EVA1C: variants seen among roughly 807,000 people sequenced by gnomAD.
EVA1C encodes the protein protein eva-1 homolog C.
A neutral mutation model predicts 45.4 loss-of-function variants in EVA1C; 25 were observed. The observed-to-expected ratio is 0.55, with a 90% CI of 0.40 to 0.77. The LOEUF (loss-of-function observed/expected upper bound fraction) is 0.77, where lower values mean the gene tolerates loss of function less well. EVA1C is among the 30% of genes least tolerant of loss of function. EVA1C has a pLI of 0.00. For missense variants in EVA1C, 479 were observed against 554.8 expected (o/e 0.86, Z 1.37); for synonymous variants, 190 against 221.2 (o/e 0.86, Z 1.25).
chr21:32,502,977 G>T (rs1256601979), intron 6 of EVA1C, among the ~76,000 whole-genome samples: 1 of 152,094 alleles, frequency 6.6e-6, no homozygotes, highest in East Asian at 1.9e-4. Flanking sequence ...TAAACAGCCT[G>T]GTCCCCCTGC....
intron 2 of EVA1C, among the ~76,000 whole-genome samples, chr21:32,457,284 C>T (rs935675321): frequency 2.6e-5 from 4 of 152,224 alleles, no homozygotes; most frequent in Non-Finnish European, 5.9e-5. Flanking sequence ...CCTCTGACCT[C>T]GCTTGCACCC....
intron 3 of EVA1C, among the ~76,000 whole-genome samples, chr21:32,459,333 G>A (rs746775048): frequency 6.8e-4 from 104 of 152,070 alleles, no homozygotes; most frequent in Non-Finnish European, 1.2e-3. Context: ...CCCTCCCTCC[G>A]CCCCTAGGCA....
rs116991795 is a variant in EVA1C, at chr21:32,464,265, G to A, written c.482-3431G>A. Among the ~76,000 whole-genome samples, 967 of 152,244 alleles carry A rather than the reference G, an allele frequency of 6.4e-3. 18 individuals are homozygous for A. The highest frequency in any genetic ancestry group is 0.036 in the Admixed American group (548 of 15,296). ...GTCACCATTTTCATTTTTCTTCCTCGTGGAGGTTCTTCCTGCGTGTTAAAC... is the reference window on the plus strand; with the variant it reads ...GTCACCATTTTCATTTTTCTTCCTCATGGAGGTTCTTCCTGCGTGTTAAAC... On this transcript the variant is annotated intron_variant, in intron 3 of 7. Transcript: ENST00000300255.
intron 7 of EVA1C, among the ~76,000 whole-genome samples, chr21:32,512,587 C>T (rs2037992549): frequency 6.6e-6 from 1 of 152,018 alleles, no homozygotes; most frequent in African/African-American, 2.4e-5. Flanking sequence ...GAGGGGGCCA[C>T]GGATGACCAT....
intron 1 of EVA1C, among the ~76,000 whole-genome samples, chr21:32,439,586 T>C (rs2035097941): frequency 6.6e-6 from 1 of 152,042 alleles, no homozygotes; most frequent in Admixed American, 6.6e-5. Flanking sequence ...CTATCTGAAA[T>C]CCTCCACCGA....
chr21:32,415,264 G>A (rs2033989501), intron 1 of EVA1C, among the ~76,000 whole-genome samples: 1 of 152,152 alleles, frequency 6.6e-6, no homozygotes, highest in African/African-American at 2.4e-5. Context: ...AATAACCAGG[G>A]CTAGAGAGCA....
chr21:32,441,670 GA>G (rs1247101739), intron 1 of EVA1C, among the ~76,000 whole-genome samples: 1 of 152,118 alleles, frequency 6.6e-6, no homozygotes, highest in Non-Finnish European at 1.5e-5. Context: ...TACACAAGTG[GA>G]CAACTACATA....
chr21:32,499,547 G>T (rs998036245), intron 5 of EVA1C, among the ~76,000 whole-genome samples: 2 of 152,218 alleles, frequency 1.3e-5, no homozygotes, highest in Admixed American at 6.5e-5. Context: ...TCCGGTGGTT[G>T]TTGATCCTGG....
chr21:32,512,760 A>G (rs1395020320), intron 7 of EVA1C, among the ~76,000 whole-genome samples: 1 of 152,148 alleles, frequency 6.6e-6, no homozygotes, highest in Non-Finnish European at 1.5e-5. Flanking sequence ...CTCAAAGTTT[A>G]TATTTTCCAA....
intron 1 of EVA1C, among the ~76,000 whole-genome samples, chr21:32,450,193 T>G (rs1002764193): frequency 7.2e-5 from 11 of 152,122 alleles, no homozygotes; most frequent in African/African-American, 2.7e-4. Flanking sequence ...ATGTAAATGG[T>G]CTGGAGGAGG....
At chr21:32,466,370 G>T (rs1186367153) in intron 3 of EVA1C, among the ~76,000 whole-genome samples, 1 of 147,374 alleles carries the variant, frequency 6.8e-6, no homozygotes, top group African/African-American at 2.5e-5. Flanking sequence ...AGTGAGCAGA[G>T]ATCGTGCCAC....
rs1555876773 is a variant in EVA1C at position 32,511,055 on chromosome 21, C to CTCTCTCTATCTA, written c.950-3756_950-3755insCTCTATCTATCT. 7.0e-3 allele frequency among the ~76,000 whole-genome samples: 1,062 copies of CTCTCTCTATCTA among 151,064 alleles called. 12 individuals carry two copies. The highest frequency in any genetic ancestry group is 0.025 in the African/African-American group (1,010 of 41,058). ...ACTCTCTCTCTCTCCCTCTCTCTCT[C>CTCTCTCTATCTA]TCTATCTATATGTATACACAATATA... On this transcript the variant is annotated intron_variant, in intron 7 of 7. Coordinates refer to ENST00000300255, the MANE Select transcript of EVA1C (RefSeq NM_058187.5).
At chr21:32,480,167 A>C (rs1388628591) in intron 4 of EVA1C, among the ~76,000 whole-genome samples, 1 of 151,798 alleles carries the variant, frequency 6.6e-6, no homozygotes, top group African/African-American at 2.4e-5. Flanking sequence ...ACAAAAGAGT[A>C]TTATAAATAG....
At chr21:32,502,938 T>C (rs565785176) in intron 6 of EVA1C, among the ~76,000 whole-genome samples, 1 of 152,288 alleles carries the variant, frequency 6.6e-6, no homozygotes, top group Non-Finnish European at 1.5e-5. Flanking sequence ...CTTCCACTTA[T>C]TTTTCTAACA....
chr21:32,414,305 T>C (rs1414209750), intron 1 of EVA1C, among the ~76,000 whole-genome samples: 1 of 151,134 alleles, frequency 6.6e-6, no homozygotes, highest in African/African-American at 2.4e-5. Flanking sequence ...GCTATTAACT[T>C]TTTTTTTTGT....
chr21:32,501,990 TTCTTTCTTTCTTTCTTTCTTTC>T (rs1242896744), intron 6 of EVA1C, among the ~76,000 whole-genome samples: 10 of 7,566 alleles, frequency 1.3e-3, no homozygotes, highest in Admixed American at 9.3e-3. Context: ...GCTCTTTTCT[TTCTTTCTTTCTTTCTTTCTTTC>T]TTTCTTTCTT....
intron 4 of EVA1C, among the ~76,000 whole-genome samples, chr21:32,472,511 G>GT (rs2036413681): frequency 6.6e-6 from 1 of 152,086 alleles, no homozygotes; most frequent in Admixed American, 6.6e-5. Flanking sequence ...GTTTATGCCT[G>GT]TGTAATCCCT....
chr21:32,470,901 G>T lies in EVA1C; in HGVS notation c.634+3053G>T, dbSNP rs1337591828. On this transcript the variant is annotated intron_variant, in intron 4 of 7. Coordinates refer to ENST00000300255, the MANE Select transcript of EVA1C (RefSeq NM_058187.5). ...AGCCTCAGGAGTAGCTGGGATTACA[G>T]GCGCCCGCCACCATGCCTGGCTGAT... is the stretch of plus-strand genomic sequence containing the variant. Among the ~76,000 whole-genome samples the T allele has an allele frequency of 2.4e-3, 363 of 151,630 alleles. 2 individuals carry two copies. The highest frequency in any genetic ancestry group is 4.1e-3 in the Non-Finnish European group (275 of 67,674).
rs533169700 is a variant in EVA1C at position 32,440,867 on chromosome 21, G to A, written c.161-12445G>A. ...TGTAATCCCAGCACTTTGGGAGGCC[G>A]AGGCGGGCAGATCACCTGAGGTCGG... On this transcript the variant is annotated intron_variant, in intron 1 of 7. Transcript: ENST00000300255. 7.2e-5 allele frequency among the ~76,000 whole-genome samples: 11 copies of A among 152,258 alleles called. No homozygotes were observed. In the South Asian group the frequency reaches 1.0e-3, roughly 14 times the overall value.
Sources: gnomAD v4.1 joint callset for allele counts (sites outside exome capture counted in the v4.1 genomes callset) on GRCh38, gnomAD v4.1.1 for gene constraint, MANE v1.5 for transcripts, NCBI Gene and HGNC (gene_info 2026-07-23, HGNC 2026-07-21) for gene names.